TENM3: variants seen among roughly 807,000 people sequenced by gnomAD.
TENM3 encodes the protein teneurin transmembrane protein 3.
In TENM3, 63 loss-of-function variants were observed where a neutral mutation model predicts 255.1. That is an observed-to-expected ratio of 0.25 (90% CI 0.20 to 0.30). TENM3 has a LOEUF of 0.30. Ranked by LOEUF, TENM3 falls within the 10% of genes least tolerant of loss-of-function variation. The pLI is 1.00. For synonymous variants in TENM3, 1,306 were observed against 1,322.3 expected, an observed-to-expected ratio of 0.99 and a Z score of 0.27; for missense variants, 2,929 against 3,461.1, an observed-to-expected ratio of 0.85 and a Z score of 3.86.
At chr4:181,745,620 G>A in the TENM3 span, among the ~76,000 whole-genome samples, 3 of 152,098 alleles carry the variant, frequency 2.0e-5, no homozygotes, top group African/African-American at 7.2e-5. Flanking sequence ...AAGCACAAAT[G>A]CAGAAAGGGA....
the TENM3 span, among the ~76,000 whole-genome samples, chr4:182,011,452 A>C: frequency 5.3e-5 from 8 of 152,090 alleles, no homozygotes; most frequent in East Asian, 1.2e-3. Flanking sequence ...TCCTAACTGG[A>C]TTCCCCACAT....
chr4:181,626,867 G>A, the TENM3 span, among the ~76,000 whole-genome samples: 60,521 of 152,084 alleles, frequency 0.4, 12,453 homozygotes, highest in Non-Finnish European at 0.45. Flanking sequence ...TAAGTGTTGC[G>A]TGAAAAATAG....
At chr4:182,701,013 A>G (rs1490842827) in intron 12 of TENM3, among the ~76,000 whole-genome samples, 2 of 151,912 alleles carry the variant, frequency 1.3e-5, no homozygotes, top group Non-Finnish European at 2.9e-5. Flanking sequence ...GAGACAGGTT[A>G]CAGCTGCTTA....
chr4:181,613,830 T>C, the TENM3 span, among the ~76,000 whole-genome samples: 86 of 152,338 alleles, frequency 5.6e-4, 1 homozygote, highest in East Asian at 0.014. Context: ...TTTTTTACTC[T>C]TACTTTCTCA....
At chr4:182,405,744 G>A (rs1458744683) in intron 3 of TENM3, among the ~76,000 whole-genome samples, 1 of 152,178 alleles carries the variant, frequency 6.6e-6, no homozygotes, top group Non-Finnish European at 1.5e-5. Flanking sequence ...GCTAGGCATT[G>A]AAGAAAGTGA....
At chr4:182,413,629 A>G (rs1770166563) in intron 3 of TENM3, among the ~76,000 whole-genome samples, 1 of 151,844 alleles carries the variant, frequency 6.6e-6, no homozygotes, top group African/African-American at 2.4e-5. Context: ...AAAAAAAACC[A>G]CATTATCTAC....
At chr4:182,283,563 C>T (rs543451871) in intron 1 of TENM3, among the ~76,000 whole-genome samples, 78 of 152,170 alleles carry the variant, frequency 5.1e-4, no homozygotes, top group Non-Finnish European at 9.0e-4. Flanking sequence ...CTGGTTGGCT[C>T]CCAAGATGGA....
the TENM3 span, among the ~76,000 whole-genome samples, chr4:181,634,139 A>G: frequency 1.3e-5 from 2 of 152,148 alleles, no homozygotes; most frequent in East Asian, 3.9e-4. Flanking sequence ...AGAATACCTG[A>G]TGTTTGGAGG....
At chr4:181,661,190 T>C in the TENM3 span, among the ~76,000 whole-genome samples, 1 of 152,276 alleles carries the variant, frequency 6.6e-6, no homozygotes, top group East Asian at 1.9e-4. Context: ...AAACTGACTC[T>C]AATATCGATG....
At chr4:182,000,484 G>T in the TENM3 span, among the ~76,000 whole-genome samples, 1 of 152,086 alleles carries the variant, frequency 6.6e-6, no homozygotes, top group Non-Finnish European at 1.5e-5. Flanking sequence ...GACTGCGTCT[G>T]ATATTTATAG....
At chr4:181,520,895 T>A in the TENM3 span, among the ~76,000 whole-genome samples, 32 of 152,284 alleles carry the variant, frequency 2.1e-4, no homozygotes, top group East Asian at 4.8e-3. Flanking sequence ...TAAAAGTAAA[T>A]CATCAATCAT....
chr4:182,231,988 A>G (rs925461575), intron 1 of TENM3, among the ~76,000 whole-genome samples: 1 of 152,222 alleles, frequency 6.6e-6, no homozygotes, highest in African/African-American at 2.4e-5. Flanking sequence ...TATGCATTGA[A>G]AATCATTTGC....
chr4:182,002,483 C>T, the TENM3 span, among the ~76,000 whole-genome samples: 1 of 152,150 alleles, frequency 6.6e-6, no homozygotes, highest in South Asian at 2.1e-4. Context: ...AACGAAGAGG[C>T]TCACTTTAGT....
At chr4:181,704,545 T>G in the TENM3 span, among the ~76,000 whole-genome samples, 3 of 152,216 alleles carry the variant, frequency 2.0e-5, no homozygotes, top group Non-Finnish European at 4.4e-5. Context: ...TTATTTTTTT[T>G]CATTCTGGTA....
intron 4 of TENM3, among the ~76,000 whole-genome samples, chr4:182,627,258 CAT>C (rs1750907976): frequency 6.6e-6 from 1 of 152,038 alleles, no homozygotes; most frequent in Non-Finnish European, 1.5e-5. Context: ...ATTTAAGTTT[CAT>C]AATAACCCTG....
chr4:182,663,742 A>G (rs1482087216), intron 6 of TENM3, among the ~76,000 whole-genome samples: 1 of 152,226 alleles, frequency 6.6e-6, no homozygotes, highest in Non-Finnish European at 1.5e-5. Flanking sequence ...CTTGTTAGTC[A>G]TATGTCAAAA....
Position 182,800,594 on chromosome 4 carries a change from AG to A in TENM3, c.*245del, listed in dbSNP as rs893557152. 1.5e-5 allele frequency: 6 copies of A among 401,906 alleles called. No homozygotes were observed. Among genetic ancestry groups the A allele is most frequent in the African/African-American group, 1.1e-4 (5 of 47,298 alleles). The allele number at this position is 401,906 out of a possible 1,614,324, so 24.9% of individuals were successfully genotyped here. A position where few individuals can be genotyped will look rare whatever the true frequency, so the allele number is the denominator to read the frequency against. On this transcript the variant is annotated 3_prime_UTR_variant, in exon 28 of 28. Coordinates refer to ENST00000511685, the MANE Select transcript of TENM3 (RefSeq NM_001080477.4). ...ACTCAGTCGGACTGAACGTAGCCAG[AG>A]GAAAAAAAAATCATCAAGGACAAAG...
At chr4:181,515,911 C>T in the TENM3 span, among the ~76,000 whole-genome samples, 1 of 152,144 alleles carries the variant, frequency 6.6e-6, no homozygotes, top group Non-Finnish European at 1.5e-5. Flanking sequence ...TTCACTGCAG[C>T]ACTCTTCACA....
chr4:182,448,671 C>A (rs1001700651), intron 3 of TENM3, among the ~76,000 whole-genome samples: 1 of 151,950 alleles, frequency 6.6e-6, no homozygotes, highest in African/African-American at 2.4e-5. Context: ...CGCGAGCGTG[C>A]GTGTGTGGAG....
Sources: allele counts gnomAD v4.1 joint callset (sites outside exome capture counted in the v4.1 genomes callset), GRCh38; gene constraint gnomAD v4.1.1; transcripts MANE v1.5; gene names NCBI Gene and HGNC (gene_info 2026-07-23, HGNC 2026-07-21).